Variants in PPM1B observed in about 807,000 individuals in gnomAD.
PPM1B encodes the protein protein phosphatase, Mg2+/Mn2+ dependent 1B.
In PPM1B, 22 loss-of-function variants were observed where a neutral mutation model predicts 43.0. The ratio of observed to expected loss-of-function variants is 0.51; its 90% CI spans 0.37 to 0.73. The LOEUF is 0.73. Among genes scored for constraint, PPM1B ranks in the 30% least tolerant of loss-of-function variants. The pLI, the probability that PPM1B is intolerant of heterozygous loss-of-function variation, is 0.00. For synonymous variants in PPM1B, 217 were observed against 197.9 expected (o/e 1.10, Z -0.81); for missense variants, 632 against 584.2 (o/e 1.08, Z -0.84).
At chr2:44,171,408 T>C (rs746203533) in intron 1 of PPM1B, among the ~76,000 whole-genome samples, 6 of 152,214 alleles carry the variant, frequency 3.9e-5, no homozygotes, top group Non-Finnish European at 7.3e-5. Flanking sequence ...TTGAAAGTTA[T>C]CTTTTCTATA....
At chr2:44,195,049 A>G (rs1187011655) in intron 1 of PPM1B, among the ~76,000 whole-genome samples, 1 of 151,036 alleles carries the variant, frequency 6.6e-6, no homozygotes, top group Non-Finnish European at 1.5e-5. Context: ...TTGCCACCAC[A>G]CCAGGGCTAA....
At chr2:44,179,740 G>A (rs757312619) in intron 1 of PPM1B, among the ~76,000 whole-genome samples, 5 of 152,172 alleles carry the variant, frequency 3.3e-5, no homozygotes, top group Middle Eastern at 3.2e-3. Context: ...CGGGCATGGT[G>A]GCTCATGCCT....
chr2:44,233,843 T>G, downstream of PPM1B: 1 of 985,676 alleles, frequency 1.0e-6, no homozygotes, highest in Middle Eastern at 5.2e-4. Context: ...TAAGTTAAAG[T>G]GCTTTACATG....
At chr2:44,229,994 A>G in intron 5 of PPM1B, 2 of 1,584,024 alleles carry the variant, frequency 1.3e-6, no homozygotes, top group Non-Finnish European at 1.7e-6. Flanking sequence ...CTTATTTAGC[A>G]GAAATGATGA....
chr2:44,191,108 T>C (rs1280906699), intron 1 of PPM1B, among the ~76,000 whole-genome samples: 13 of 152,244 alleles, frequency 8.5e-5, no homozygotes, highest in Admixed American at 7.9e-4. Flanking sequence ...ACTATCAAGT[T>C]GGTCTTAGTA....
At chr2:44,237,746 A>T (rs1253054479), downstream of PPM1B, among the ~76,000 whole-genome samples, 1 of 152,194 alleles carries the variant, frequency 6.6e-6, no homozygotes, top group Non-Finnish European at 1.5e-5. Context: ...TGCATTTAAG[A>T]TGAAGAGGAC....
chr2:44,221,400 T>G, intron 5 of PPM1B, among the ~76,000 whole-genome samples: 1 of 152,144 alleles, frequency 6.6e-6, no homozygotes, highest in East Asian at 1.9e-4. Flanking sequence ...CAGACGTGAT[T>G]AAATTCTGAG....
chr2:44,241,161 G>A (rs1670736823), intron 5 of PPM1B, among the ~76,000 whole-genome samples: 2 of 143,300 alleles, frequency 1.4e-5, no homozygotes, highest in Admixed American at 1.4e-4. Flanking sequence ...GCGTCACCAC[G>A]CCCGGCTGAT....
At chr2:44,184,535 G>A (rs531554013) in intron 1 of PPM1B, among the ~76,000 whole-genome samples, 33 of 151,964 alleles carry the variant, frequency 2.2e-4, no homozygotes, top group Non-Finnish European at 4.4e-4. Flanking sequence ...AAATGCCCCC[G>A]AATTTATGTC....
chr2:44,232,166 T>C, downstream of PPM1B: 2 of 1,183,018 alleles, frequency 1.7e-6, no homozygotes, highest in Non-Finnish European at 2.4e-6. Context: ...ACACACAATA[T>C]GCAATACACA....
intron 1 of PPM1B, among the ~76,000 whole-genome samples, chr2:44,196,375 G>C (rs941027391): frequency 6.6e-6 from 1 of 152,122 alleles, no homozygotes; most frequent in African/African-American, 2.4e-5. Flanking sequence ...GGGTTATTAT[G>C]GATTTTGTTT....
At chr2:44,199,355 G>T (rs1318194825) in intron 1 of PPM1B, among the ~76,000 whole-genome samples, 1 of 150,866 alleles carries the variant, frequency 6.6e-6, no homozygotes, top group Non-Finnish European at 1.5e-5. Flanking sequence ...CAGGTATGGT[G>T]GCACGTGCCT....
chr2:44,204,858 C>CAAAAA (rs368660082), intron 2 of PPM1B, among the ~76,000 whole-genome samples: 4 of 36,694 alleles, frequency 1.1e-4, no homozygotes, highest in African/African-American at 1.2e-4. Flanking sequence ...GACTCCGTCT[C>CAAAAA]AAAAAAAAAA....
chr2:44,217,452 G>A (rs1268315696), intron 3 of PPM1B, among the ~76,000 whole-genome samples: 30 of 149,714 alleles, frequency 2.0e-4, no homozygotes, highest in Non-Finnish European at 7.4e-5. Context: ...GTATCAACTT[G>A]TAAAAATGAT....
chr2:44,185,190 T>A (rs114412675), intron 1 of PPM1B, among the ~76,000 whole-genome samples: 496 of 152,228 alleles, frequency 3.3e-3, no homozygotes, highest in African/African-American at 0.012. Context: ...CTTTCAGCAT[T>A]GTTAATGAGA....
chr2:44,223,456 T>G lies in PPM1B; in HGVS notation c.1134+4919T>G, dbSNP rs114068669. On this transcript the variant is annotated intron_variant, in intron 5 of 5. Coordinates refer to ENST00000282412, the MANE Select transcript of PPM1B (RefSeq NM_002706.6). Reference sequence around the variant, plus strand: ...TTTTTAGAACTATGTGAATATTAGTTTTTTCATATTTACTTTTTATTCACT... The same window carrying G: ...TTTTTAGAACTATGTGAATATTAGTGTTTTCATATTTACTTTTTATTCACT... Among the ~76,000 whole-genome samples the G allele has an allele frequency of 4.9e-3, 753 of 152,260 alleles. 7 individuals are homozygous for G. The highest frequency in any genetic ancestry group is 0.017 in the African/African-American group (712 of 41,538).
intron 1 of PPM1B, among the ~76,000 whole-genome samples, chr2:44,200,005 C>T (rs918594719): frequency 2.0e-5 from 3 of 152,030 alleles, no homozygotes; most frequent in Non-Finnish European, 4.4e-5. Flanking sequence ...CAGTGTCTCT[C>T]AAAACTTTAA....
intron 5 of PPM1B, among the ~76,000 whole-genome samples, chr2:44,228,146 A>G (rs1670305519): frequency 6.9e-6 from 1 of 145,252 alleles, no homozygotes; most frequent in African/African-American, 2.5e-5. Context: ...CTGGTCTTGA[A>G]TTCCTGACCT....
chr2:44,230,854 T>A lies in PPM1B; in HGVS notation c.*136T>A. 7 of 1,426,004 alleles carry A rather than the reference T, an allele frequency of 4.9e-6. No individual in the cohort carries two copies. Among genetic ancestry groups the A allele is most frequent in the Non-Finnish European group, 6.5e-6 (7 of 1,082,630 alleles). 88.3% of individuals were successfully genotyped at this position (1,426,004 alleles called of 1,614,324 possible). ...ATTATATTCAGATAGCCTTGTTTTT[T>A]AAAAAGGCCTTTGCATACACCTTTA... is the stretch of plus-strand genomic sequence containing the variant. On this transcript the variant is annotated 3_prime_UTR_variant, in exon 6 of 6. Coordinates refer to ENST00000282412, the MANE Select transcript of PPM1B (RefSeq NM_002706.6).
Sources: allele counts gnomAD v4.1 joint callset (sites outside exome capture counted in the v4.1 genomes callset), GRCh38; gene constraint gnomAD v4.1.1; transcripts MANE v1.5; gene names NCBI Gene and HGNC (gene_info 2026-07-23, HGNC 2026-07-21).